The following STT3B variants were observed in gnomAD, a reference collection of about 807,000 sequenced individuals.
STT3B encodes the protein STT3 oligosaccharyltransferase complex catalytic subunit B.
In STT3B, 29 loss-of-function variants were observed where a neutral mutation model predicts 96.8. That is an observed-to-expected ratio of 0.30 (90% CI 0.22 to 0.41). STT3B has a LOEUF of 0.41. Ranked by LOEUF, STT3B falls within the 10% of genes least tolerant of loss-of-function variation. The pLI, the probability that STT3B is intolerant of heterozygous loss-of-function variation, is 1.00. For missense variants in STT3B, 640 were observed against 1,022.3 expected (o/e 0.63, Z 5.10); for synonymous variants, 367 against 360.0 (o/e 1.02, Z -0.22).
rs537670391 is a variant in STT3B at position 31,533,983 on chromosome 3, CTTAT to C, written c.314+680_314+683del. 8.7e-4 allele frequency among the ~76,000 whole-genome samples: 132 copies of C among 152,316 alleles called. 1 individual carries two copies. Among genetic ancestry groups the C allele is most frequent in the Non-Finnish European group, 1.7e-3 (116 of 68,030 alleles). On this transcript the variant is annotated intron_variant, in intron 1 of 15. Coordinates refer to ENST00000295770, the MANE Select transcript of STT3B (RefSeq NM_178862.3). ...GAAAGTGATCTGAAAGCTAGCTACT[CTTAT>C]TTATTTATCATTAGGTATTTTAAAG...
intron 5 of STT3B, among the ~76,000 whole-genome samples, chr3:31,611,967 G>C (rs1699190892): frequency 6.6e-6 from 1 of 152,110 alleles, no homozygotes. Context: ...TCAGTATTAA[G>C]CAAGGTATTT....
intron 5 of STT3B, among the ~76,000 whole-genome samples, chr3:31,604,631 A>G (rs185934601): frequency 6.0e-4 from 92 of 152,334 alleles, no homozygotes; most frequent in Admixed American, 1.2e-3. Context: ...TCGTGTAAGG[A>G]GTGTATATTA....
At chr3:31,576,087 C>T (rs1014983893) in intron 1 of STT3B, among the ~76,000 whole-genome samples, 3 of 151,888 alleles carry the variant, frequency 2.0e-5, no homozygotes, top group African/African-American at 7.3e-5. Context: ...TTGATGTTAT[C>T]TTCTGTCAGC....
At chr3:31,534,887 A>G (rs930546831) in intron 1 of STT3B, among the ~76,000 whole-genome samples, 2 of 152,200 alleles carry the variant, frequency 1.3e-5, no homozygotes, top group African/African-American at 4.8e-5. Context: ...TTATGAGCCT[A>G]AGAATACCTG....
At chr3:31,581,534 A>G (rs186501615) in intron 3 of STT3B, among the ~76,000 whole-genome samples, 1 of 152,214 alleles carries the variant, frequency 6.6e-6, no homozygotes, top group African/African-American at 2.4e-5. Flanking sequence ...CATTACATTC[A>G]TGAATAAGTC....
intron 9 of STT3B, among the ~76,000 whole-genome samples, chr3:31,621,459 A>G (rs1699427602): frequency 6.6e-6 from 1 of 152,248 alleles, no homozygotes; most frequent in Non-Finnish European, 1.5e-5. Flanking sequence ...GAAAAATTTA[A>G]TTAGCATCAG....
intron 4 of STT3B, among the ~76,000 whole-genome samples, chr3:31,599,415 C>A (rs73826803): frequency 1.3e-5 from 2 of 152,220 alleles, no homozygotes; most frequent in East Asian, 3.9e-4. Context: ...TCAGATAGGA[C>A]TGGCGCTCCA....
intron 1 of STT3B, among the ~76,000 whole-genome samples, chr3:31,564,267 G>T (rs534108269): frequency 6.6e-6 from 1 of 152,252 alleles, no homozygotes; most frequent in East Asian, 1.9e-4. Flanking sequence ...TTAAAATTGG[G>T]TCATATATAA....
chr3:31,548,740 C>T (rs1174664866), intron 1 of STT3B, among the ~76,000 whole-genome samples: 1 of 152,110 alleles, frequency 6.6e-6, no homozygotes, highest in Non-Finnish European at 1.5e-5. Context: ...ACCTTCCCCC[C>T]TTTGAGGGAG....
chr3:31,598,197 T>G (rs1326720860), intron 4 of STT3B, among the ~76,000 whole-genome samples: 4 of 152,140 alleles, frequency 2.6e-5, no homozygotes, highest in Non-Finnish European at 4.4e-5. Flanking sequence ...GATTGCATAC[T>G]CAAAAAGAAC....
At chr3:31,635,897 C>T (rs1230387842) in intron 15 of STT3B, 87 bp from the exon 16 acceptor site, 18 of 901,568 alleles carry the variant, frequency 2.0e-5, no homozygotes, top group Non-Finnish European at 3.1e-5. Context: ...ACTAAGTCAT[C>T]ATAGTTCAGT....
intron 10 of STT3B, among the ~76,000 whole-genome samples, chr3:31,622,526 C>G (rs896799772): frequency 2.6e-5 from 4 of 152,140 alleles, no homozygotes; most frequent in African/African-American, 9.7e-5. Flanking sequence ...AGGAATTCCT[C>G]TTTTTGGTAA....
chr3:31,557,889 C>A (rs1292938746), intron 1 of STT3B, among the ~76,000 whole-genome samples: 3 of 152,222 alleles, frequency 2.0e-5, no homozygotes, highest in Non-Finnish European at 4.4e-5. Context: ...CTCAGCCTCC[C>A]AAAGTGTTGG....
intron 5 of STT3B, among the ~76,000 whole-genome samples, chr3:31,602,227 A>G (rs1267664402): frequency 2.0e-5 from 3 of 152,120 alleles, no homozygotes; most frequent in African/African-American, 7.2e-5. Context: ...ACATACACCT[A>G]TGTATTTCTC....
Position 31,589,770 on chromosome 3 carries a change from A to G in STT3B, c.712-7028A>G, listed in dbSNP as rs368581917. Among the ~76,000 whole-genome samples the G allele has an allele frequency of 3.8e-4, 58 of 152,128 alleles. No individual in the cohort carries two copies. The South Asian group carries it at 5.8e-3, about 15-fold the overall frequency. On this transcript the variant is annotated intron_variant, in intron 3 of 15. Transcript: ENST00000295770. ...CTTAGGATTTTCTACATACAAGATC[A>G]TGTTATCTTCAGAGACAGAGGGTCT...
At chr3:31,546,751 T>A (rs189648942) in intron 1 of STT3B, among the ~76,000 whole-genome samples, 1 of 152,338 alleles carries the variant, frequency 6.6e-6, no homozygotes, top group East Asian at 1.9e-4. Flanking sequence ...GGAGGTTATA[T>A]GTATATGTAT....
chr3:31,539,620 C>A (rs1203449563), intron 1 of STT3B, among the ~76,000 whole-genome samples: 3 of 152,128 alleles, frequency 2.0e-5, no homozygotes, highest in African/African-American at 7.2e-5. Flanking sequence ...TACCTCTTCA[C>A]AATCCGGGCT....
At chr3:31,578,833 A>G (rs1401437538) in intron 2 of STT3B, among the ~76,000 whole-genome samples, 1 of 152,172 alleles carries the variant, frequency 6.6e-6, no homozygotes, top group Non-Finnish European at 1.5e-5. Context: ...GTAAATAAAT[A>G]AAATAAATAG....
At chr3:31,563,597 T>C (rs539226256) in intron 1 of STT3B, among the ~76,000 whole-genome samples, 6 of 152,186 alleles carry the variant, frequency 3.9e-5, no homozygotes, top group Non-Finnish European at 7.3e-5. Flanking sequence ...TCTGAGATAA[T>C]ATTTGAACTA....
Sources: allele counts gnomAD v4.1 joint callset (sites outside exome capture counted in the v4.1 genomes callset), GRCh38; gene constraint gnomAD v4.1.1; transcripts MANE v1.5; gene names NCBI Gene and HGNC (gene_info 2026-07-23, HGNC 2026-07-21).